GLRA3: variants seen among roughly 807,000 people sequenced by gnomAD.
GLRA3 encodes glycine receptor alpha 3.
GLRA3 carries 44 observed loss-of-function variants against 60.4 expected under a neutral mutation model. That is an observed-to-expected ratio of 0.73 (90% CI 0.57 to 0.94). The LOEUF (loss-of-function observed/expected upper bound fraction) is 0.94, where lower values mean the gene tolerates loss of function less well. GLRA3 is among the 40% of genes least tolerant of loss of function. GLRA3 has a pLI of 0.00. For synonymous variants in GLRA3, 223 were observed against 192.9 expected, an observed-to-expected ratio of 1.16 and a Z score of -1.29; for missense variants, 508 against 564.6, an observed-to-expected ratio of 0.90 and a Z score of 1.02.
intron 1 of GLRA3, among the ~76,000 whole-genome samples, chr4:174,819,179 T>A (rs1740635488): frequency 6.6e-6 from 1 of 152,192 alleles, no homozygotes; most frequent in Non-Finnish European, 1.5e-5. Context: ...TGACACCAAC[T>A]GGACAAGTGA....
chr4:174,687,068 A>G (rs1021167666), intron 5 of GLRA3, among the ~76,000 whole-genome samples: 4 of 152,172 alleles, frequency 2.6e-5, no homozygotes, highest in African/African-American at 9.7e-5. Context: ...CATTGAGTCA[A>G]CATTTGCCCT....
chr4:174,799,919 A>T (rs185078839), intron 1 of GLRA3, among the ~76,000 whole-genome samples: 2 of 152,320 alleles, frequency 1.3e-5, no homozygotes, highest in African/African-American at 2.4e-5. Flanking sequence ...ATAGAAATAG[A>T]TAAACCAAAG....
chr4:174,771,815 A>G (rs1445589032), intron 2 of GLRA3, among the ~76,000 whole-genome samples: 2 of 152,182 alleles, frequency 1.3e-5, no homozygotes, highest in African/African-American at 4.8e-5. Context: ...GGCATTCTCT[A>G]TAATACATTT....
At chr4:174,698,999 C>CTT (rs35453287) in intron 5 of GLRA3, among the ~76,000 whole-genome samples, 2 of 143,836 alleles carry the variant, frequency 1.4e-5, no homozygotes, top group African/African-American at 5.2e-5. Flanking sequence ...CTTATAATTA[C>CTT]TTTTTTTTTT....
chr4:174,656,803 G>C lies in GLRA3; in HGVS notation c.1072-16C>G. ...AAGCTTCTGTCTGTGGGAAGGTAAA[G>C]TGGACCAAGAGGAATTGAGAAACCA... On this transcript the variant is annotated splice_polypyrimidine_tract_variant and intron_variant, in intron 8 of 9. Transcript: ENST00000274093. 6.6e-7 allele frequency: 1 copy of C among 1,518,916 alleles called. No individual in the cohort carries two copies. The highest frequency in any genetic ancestry group is 9.1e-7 in the Non-Finnish European group (1 of 1,093,696). The allele number at this position is 1,518,916 out of a possible 1,614,324, so 94.1% of individuals were successfully genotyped here. A position where few individuals can be genotyped will look rare whatever the true frequency, so the allele number is the denominator to read the frequency against.
At chr4:174,772,991 G>A (rs1332960107) in intron 2 of GLRA3, among the ~76,000 whole-genome samples, 1 of 152,096 alleles carries the variant, frequency 6.6e-6, no homozygotes, top group East Asian at 1.9e-4. Context: ...CAGCAATCTT[G>A]GAGTAGTCTT....
intron 1 of GLRA3, among the ~76,000 whole-genome samples, chr4:174,793,031 A>G (rs973696981): frequency 6.6e-6 from 1 of 152,212 alleles, no homozygotes; most frequent in Non-Finnish European, 1.5e-5. Context: ...TTTTTCTTCA[A>G]TATACAACTT....
chr4:174,798,014 C>CT (rs1739638334), intron 1 of GLRA3, among the ~76,000 whole-genome samples: 1 of 151,964 alleles, frequency 6.6e-6, no homozygotes, highest in Admixed American at 6.6e-5. Flanking sequence ...TTTATGATGA[C>CT]TTTTAATATA....
rs1468698411 is a variant in GLRA3 at position 174,728,425 on chromosome 4, A to T, written c.491+50T>A. 5.9e-6 allele frequency: 6 copies of T among 1,010,670 alleles called. No homozygotes were observed. The East Asian group carries it at 1.4e-4, about 24-fold the overall frequency. The allele number at this position is 1,010,670 out of a possible 1,614,324, so 62.6% of individuals were successfully genotyped here. A position where few individuals can be genotyped will look rare whatever the true frequency, so the allele number is the denominator to read the frequency against. ...CACCAAACAAACCAACCAACAATAC[A>T]CCATGATATTCTATTTCACTGAAAT... On this transcript the variant is annotated intron_variant, in intron 4 of 9. Coordinates refer to ENST00000274093, the MANE Select transcript of GLRA3 (RefSeq NM_006529.4).
rs528771458 is a variant in GLRA3, at chr4:174,788,578, C to T, written c.199+238G>A. Among the ~76,000 whole-genome samples the T allele has an allele frequency of 4.5e-4, 36 of 79,502 alleles. No homozygotes were observed. In the South Asian group the frequency reaches 0.013, roughly 28 times the overall value. 52.2% of individuals were successfully genotyped at this position (79,502 alleles called of 152,430 possible). On this transcript the variant is annotated intron_variant, in intron 2 of 9. Transcript: ENST00000274093. Reference sequence around the variant, plus strand: ...ATGGTCAAGACAAGAAGTATTATAACAGTTAGAGAAGTAAAAAAAAAAAAA... The same window carrying T: ...ATGGTCAAGACAAGAAGTATTATAATAGTTAGAGAAGTAAAAAAAAAAAAA...
intron 5 of GLRA3, among the ~76,000 whole-genome samples, chr4:174,685,319 G>A (rs1734514627): frequency 6.6e-6 from 1 of 152,114 alleles, no homozygotes; most frequent in Admixed American, 6.5e-5. Flanking sequence ...TTGACCCCTA[G>A]GTATATCTCA....
intron 5 of GLRA3, among the ~76,000 whole-genome samples, chr4:174,706,699 A>C (rs1156774221): frequency 2.0e-5 from 3 of 148,178 alleles, no homozygotes; most frequent in Non-Finnish European, 4.6e-5. Context: ...TCTCCGAAGG[A>C]AAATAAAATT....
At chr4:174,656,925 C>G in intron 8 of GLRA3, 138 bp from the exon 9 acceptor site, 1 of 535,586 alleles carries the variant, frequency 1.9e-6, no homozygotes, top group Non-Finnish European at 3.4e-6. Flanking sequence ...TAGATTTTCA[C>G]ATATGCAAAG....
At chr4:174,709,508 T>A (rs1735629983) in intron 5 of GLRA3, among the ~76,000 whole-genome samples, 1 of 151,988 alleles carries the variant, frequency 6.6e-6, no homozygotes, top group African/African-American at 2.4e-5. Flanking sequence ...AAAATGAGTA[T>A]TAAAAAGAGA....
At position 174,706,143 on chromosome 4, in the gene GLRA3, T is replaced by C. The variant is rs1315705877; in HGVS notation, c.574+9345A>G. On this transcript the variant is annotated intron_variant, in intron 5 of 9. Coordinates refer to ENST00000274093, the MANE Select transcript of GLRA3 (RefSeq NM_006529.4). ...TACTCGGGAGGCTGAGACAGGAGAA[T>C]GGCGTGAACCCGGGAGGCAGAGCTT... is the stretch of plus-strand genomic sequence containing the variant. Among the ~76,000 whole-genome samples the C allele has an allele frequency of 2.6e-5, 4 of 151,146 alleles. No individual in the cohort carries two copies. The East Asian group carries it at 7.8e-4, about 30-fold the overall frequency.
chr4:174,691,662 G>C (rs555687802), intron 5 of GLRA3, among the ~76,000 whole-genome samples: 4 of 152,224 alleles, frequency 2.6e-5, no homozygotes, highest in Non-Finnish European at 4.4e-5. Flanking sequence ...CCGAGGTGCC[G>C]GGATTGCAGA....
chr4:174,790,110 T>C (rs1203734160), intron 1 of GLRA3, among the ~76,000 whole-genome samples: 2 of 152,210 alleles, frequency 1.3e-5, no homozygotes, highest in Non-Finnish European at 2.9e-5. Flanking sequence ...GAGATTTCTG[T>C]AAGCACAGAA....
intron 2 of GLRA3, among the ~76,000 whole-genome samples, chr4:174,774,365 T>A (rs1012518738): frequency 2.5e-4 from 23 of 93,052 alleles, no homozygotes; most frequent in Non-Finnish European, 5.5e-4. Context: ...TGTGTGTGTA[T>A]GTGTGTGTGT....
chr4:174,758,557 G>C (rs563256452), intron 3 of GLRA3, among the ~76,000 whole-genome samples: 1 of 152,218 alleles, frequency 6.6e-6, no homozygotes, highest in African/African-American at 2.4e-5. Context: ...ATATAATGTA[G>C]TATCCTGGAT....
Sources: allele counts gnomAD v4.1 joint callset (sites outside exome capture counted in the v4.1 genomes callset), GRCh38; gene constraint gnomAD v4.1.1; transcripts MANE v1.5; gene names NCBI Gene and HGNC (gene_info 2026-07-23, HGNC 2026-07-21).